AFF2: variants seen among roughly 807,000 people sequenced by gnomAD.
AFF2 encodes ALF transcription elongation factor 2.
A neutral mutation model predicts 76.9 loss-of-function variants in AFF2; 14 were observed. That is an observed-to-expected ratio of 0.18 (90% CI 0.12 to 0.28). The LOEUF (loss-of-function observed/expected upper bound fraction) is 0.28, where lower values mean the gene tolerates loss of function less well. Ranked by LOEUF, AFF2 falls within the 10% of genes least tolerant of loss-of-function variation. AFF2 has a pLI of 1.00. For synonymous variants in AFF2, 398 were observed against 366.7 expected, an observed-to-expected ratio of 1.09 and a Z score of -0.98; for missense variants, 868 against 1,001.1, an observed-to-expected ratio of 0.87 and a Z score of 1.79.
chrX:148,817,792 C>T (rs1246880758), intron 4 of AFF2, among the ~76,000 whole-genome samples: 1 of 111,262 alleles, frequency 9.0e-6, no homozygotes. Context: ...GGTTTTATTC[C>T]AGGAGTGTAA....
intron 1 of AFF2, among the ~76,000 whole-genome samples, chrX:148,612,160 G>A (rs952970887): frequency 1.5e-4 from 17 of 111,877 alleles, no homozygotes; most frequent in African/African-American, 5.5e-4. Context: ...GAAAGTTCAT[G>A]TAAGTTTTGT....
intron 1 of AFF2, among the ~76,000 whole-genome samples, chrX:148,639,039 G>A (rs1726922587): frequency 1.8e-5 from 2 of 111,867 alleles, no homozygotes; most frequent in South Asian, 7.4e-4. Context: ...TCATATTCTG[G>A]TTTTGCCCTG....
intron 3 of AFF2, among the ~76,000 whole-genome samples, chrX:148,798,527 T>A (rs1557270713): frequency 1.8e-5 from 2 of 112,312 alleles, no homozygotes; most frequent in Non-Finnish European, 3.8e-5. Flanking sequence ...AAACGCCAAA[T>A]TTAGAAGTAC....
intron 1 of AFF2, among the ~76,000 whole-genome samples, chrX:148,638,078 C>T (rs2054050566): frequency 9.0e-6 from 1 of 110,723 alleles, no homozygotes; most frequent in African/African-American, 3.3e-5. Flanking sequence ...CCTGCCATAT[C>T]CTTGTTTTCC....
chrX:148,792,929 C>A (rs1267617980), intron 3 of AFF2, among the ~76,000 whole-genome samples: 3 of 111,943 alleles, frequency 2.7e-5, no homozygotes, highest in African/African-American at 9.8e-5. Flanking sequence ...ATGCCTGGGT[C>A]CTTTACAGGA....
rs2071169419 is a variant in AFF2, at chrX:148,887,208, C to T, written c.1359+1223C>T. Among the ~76,000 whole-genome samples, 3 of 112,856 alleles carry T rather than the reference C, an allele frequency of 2.7e-5. No individual in the cohort carries two copies. In the South Asian group the frequency reaches 1.1e-3, roughly 41 times the overall value. ...ATAGTGCTGGCCTAAGCCAATTTCA[C>T]AACTGTTCCCCAAGGGCTTGCTGTA... On this transcript the variant is annotated intron_variant, in intron 8 of 20. Transcript: ENST00000370460.
chrX:148,534,224 G>C (rs1369961069), intron 1 of AFF2, among the ~76,000 whole-genome samples: 2 of 111,811 alleles, frequency 1.8e-5, no homozygotes, highest in African/African-American at 6.5e-5. Flanking sequence ...AGGGTGATTG[G>C]ATGCAACAGT....
chrX:148,831,837 G>GGATACA, intron 4 of AFF2, among the ~76,000 whole-genome samples: 1 of 111,826 alleles, frequency 8.9e-6, no homozygotes, highest in Middle Eastern at 4.6e-3. Context: ...CAGGAACCAT[G>GGATACA]GATACAAAGG....
At position 148,946,421 on chromosome X, in the gene AFF2, T is replaced by C. The variant is rs1171726766; in HGVS notation, c.1398-7159T>C. The stretch of plus-strand genomic sequence containing the variant: ...AAGAGGGTGCACTCAGAATTTTAAT[T>C]ATTTGGATCTTGTATTACCTTCCTA... On this transcript the variant is annotated intron_variant, in intron 9 of 20. Coordinates refer to ENST00000370460, the MANE Select transcript of AFF2 (RefSeq NM_002025.4). Among the ~76,000 whole-genome samples, 4 of 112,418 alleles carry C rather than the reference T, an allele frequency of 3.6e-5. No homozygotes were observed. In the Admixed American group the frequency reaches 3.8e-4, roughly 11 times the overall value.
intron 9 of AFF2, among the ~76,000 whole-genome samples, chrX:148,951,799 T>C (rs782788776): frequency 1.9e-5 from 2 of 105,168 alleles, no homozygotes; most frequent in East Asian, 5.7e-4. Flanking sequence ...GGAGCCCTGT[T>C]ATAGGTCTCC....
At chrX:148,837,619 A>T (rs1448130790) in intron 4 of AFF2, 28 bp from the exon 5 acceptor site, 1 of 975,017 alleles carries the variant, frequency 1.0e-6, no homozygotes, top group Non-Finnish European at 1.5e-6. Flanking sequence ...TTGCCCTGAA[A>T]TAAAGTTTCT....
At chrX:148,877,064 G>T (rs2071043417) in intron 7 of AFF2, among the ~76,000 whole-genome samples, 1 of 112,099 alleles carries the variant, frequency 8.9e-6, no homozygotes, top group Non-Finnish European at 1.9e-5. Flanking sequence ...TTGGTCTTCA[G>T]TCATCTGGCC....
chrX:148,669,806 A>G (rs929799149), intron 3 of AFF2, among the ~76,000 whole-genome samples: 1 of 111,438 alleles, frequency 9.0e-6, no homozygotes, highest in Non-Finnish European at 1.9e-5. Flanking sequence ...TGAAAATACA[A>G]TAGTACTGAG....
intron 3 of AFF2, among the ~76,000 whole-genome samples, chrX:148,764,559 T>C (rs1405895897): frequency 8.9e-6 from 1 of 112,598 alleles, no homozygotes; most frequent in Non-Finnish European, 1.9e-5. Flanking sequence ...TATTGTAATT[T>C]TGTTGGCTTT....
intron 3 of AFF2, among the ~76,000 whole-genome samples, chrX:148,808,995 A>C (rs1372585): frequency 1.8e-5 from 2 of 109,898 alleles, no homozygotes; most frequent in Non-Finnish European, 3.8e-5. Context: ...AAGGCAGTGA[A>C]TGAGAGACCC....
intron 1 of AFF2, among the ~76,000 whole-genome samples, chrX:148,548,329 G>A (rs1368589725): frequency 1.8e-5 from 2 of 112,359 alleles, no homozygotes; most frequent in Non-Finnish European, 3.8e-5. Context: ...GTTTTGCCAT[G>A]CATAGAGCTC....
intron 7 of AFF2, among the ~76,000 whole-genome samples, chrX:148,869,924 C>T (rs1031684111): frequency 4.5e-5 from 5 of 111,144 alleles, no homozygotes; most frequent in African/African-American, 1.6e-4. Flanking sequence ...CCAGTCATAT[C>T]GGATTAGGGA....
intron 1 of AFF2, among the ~76,000 whole-genome samples, chrX:148,530,513 C>T (rs112181218): frequency 3.1e-4 from 34 of 111,431 alleles, no homozygotes; most frequent in African/African-American, 1.1e-3. Context: ...ATTCCCATCC[C>T]ATGCCTTCCT....
In AFF2 at chrX:148,955,764, G is replaced by A; in HGVS notation, c.1719G>A (p.Lys573=). Residue 573 remains lysine (K), a synonymous_variant, in exon 11 of 21, where the codon AAG becomes AAA. Coordinates refer to ENST00000370460, the MANE Select transcript of AFF2 (RefSeq NM_002025.4). ...IQPMEVQMKV[K]TNASQVPAEP... ...CAATGGAAGTCCAGATGAAAGTGAA[G>A]ACGAATGCCAGTCAGGTCCCAGCTG... 1 of 1,211,739 alleles carries A rather than the reference G, an allele frequency of 8.3e-7. No individual in the cohort carries two copies. Among genetic ancestry groups the A allele is most frequent in the Non-Finnish European group, 1.1e-6 (1 of 895,553 alleles).
Sources: gnomAD v4.1 joint callset for allele counts (sites outside exome capture counted in the v4.1 genomes callset) on GRCh38, gnomAD v4.1.1 for gene constraint, MANE v1.5 for transcripts, NCBI Gene and HGNC (gene_info 2026-07-23, HGNC 2026-07-21) for gene names.